Variants in GTF2I observed in about 807,000 individuals in gnomAD.
The protein encoded by GTF2I is general transcription factor IIi.
In GTF2I, 12 loss-of-function variants were observed where a neutral mutation model predicts 67.6. The ratio of observed to expected loss-of-function variants is 0.18; its 90% CI spans 0.11 to 0.29. The LOEUF (loss-of-function observed/expected upper bound fraction) is 0.29, where lower values mean the gene tolerates loss of function less well. Ranked by LOEUF, GTF2I falls within the 10% of genes least tolerant of loss-of-function variation. The pLI is 1.00. For synonymous variants in GTF2I, 149 were observed against 197.0 expected, an observed-to-expected ratio of 0.76 and a Z score of 2.04; for missense variants, 271 against 580.1, an observed-to-expected ratio of 0.47 and a Z score of 5.47.
chr7:74,727,550 C>A (rs1794008212), intron 12 of GTF2I: 3 of 152,132 alleles, frequency 2.0e-5, no homozygotes, highest in Non-Finnish European at 4.4e-5. Flanking sequence ...CAATTATACC[C>A]ATCTAAAAAG....
At chr7:74,697,946 TTTTG>T (rs1283202827) in intron 3 of GTF2I, among the ~76,000 whole-genome samples, 3 of 147,704 alleles carry the variant, frequency 2.0e-5, no homozygotes, top group Non-Finnish European at 3.1e-5. Context: ...TTTTTGTATT[TTTTG>T]TTTGTTTGTT....
At chr7:74,719,898 C>T (rs898429878) in intron 12 of GTF2I, among the ~76,000 whole-genome samples, 4 of 151,582 alleles carry the variant, frequency 2.6e-5, no homozygotes, top group African/African-American at 9.7e-5. Context: ...ACAGCCTGGG[C>T]GACAGAGTGA....
intron 28 of GTF2I, 106 bp from the exon 29 acceptor site, chr7:74,752,988 C>T (rs1795907695): frequency 1.0e-5 from 8 of 776,180 alleles, no homozygotes; most frequent in Non-Finnish European, 8.3e-6. Flanking sequence ...CGCTTGAGCC[C>T]AAGAGTTCAA....
intron 1 of GTF2I, among the ~76,000 whole-genome samples, chr7:74,660,890 T>C (rs181163997): frequency 8.1e-4 from 123 of 152,284 alleles, no homozygotes; most frequent in African/African-American, 2.7e-3. Context: ...CTCCCTCCAC[T>C]TCCCCCTCCA....
chr7:74,705,988 T>TGTGGCTCAGGCTGGAGTTCA (rs1358812479), intron 7 of GTF2I, among the ~76,000 whole-genome samples: 6 of 152,224 alleles, frequency 3.9e-5, no homozygotes, highest in African/African-American at 7.2e-5. Flanking sequence ...AGTCTCCCTC[T>TGTGGCTCAGGCTGGAGTTCA]GTGGCTCAGG....
chr7:74,747,149 TA>T (rs1795472517), intron 23 of GTF2I, among the ~76,000 whole-genome samples: 1 of 50,212 alleles, frequency 2.0e-5, no homozygotes, highest in Non-Finnish European at 4.4e-5. Context: ...CATCTCTTCA[TA>T]AATGCAGAAG....
intron 12 of GTF2I, among the ~76,000 whole-genome samples, chr7:74,722,269 C>T (rs879986631): frequency 1.3e-5 from 2 of 152,072 alleles, no homozygotes; most frequent in Admixed American, 6.6e-5. Flanking sequence ...TACTTGGAGT[C>T]GGTGGTAAAC....
intron 3 of GTF2I, among the ~76,000 whole-genome samples, chr7:74,696,419 C>T (rs1721663735): frequency 6.6e-6 from 1 of 152,044 alleles, no homozygotes; most frequent in Non-Finnish European, 1.5e-5. Flanking sequence ...TTCTGCCTCC[C>T]AGGTTCAAGC....
chr7:74,723,363 G>A (rs923207038), intron 12 of GTF2I, among the ~76,000 whole-genome samples: 12 of 144,940 alleles, frequency 8.3e-5, no homozygotes, highest in Non-Finnish European at 1.8e-4. Flanking sequence ...TCCTGACCTC[G>A]TGATCCGCCC....
At chr7:74,712,487 AGT>A (rs142200093) in intron 9 of GTF2I, among the ~76,000 whole-genome samples, 16,233 of 131,374 alleles carry the variant, frequency 0.12, 985 homozygotes, top group East Asian at 0.16. Flanking sequence ...TTCTCCCGGG[AGT>A]GTGTGTGTGT....
intron 3 of GTF2I, among the ~76,000 whole-genome samples, chr7:74,697,180 G>A (rs755125089): frequency 6.6e-4 from 100 of 151,930 alleles, no homozygotes; most frequent in Non-Finnish European, 1.3e-3. Context: ...GGCGGATCAC[G>A]AGGTCAGGAG....
chr7:74,675,769 G>T (rs935759754), intron 1 of GTF2I, among the ~76,000 whole-genome samples: 3 of 152,128 alleles, frequency 2.0e-5, no homozygotes, highest in African/African-American at 7.2e-5. Flanking sequence ...CCAGCACTTG[G>T]GAGGCCGAGG....
At chr7:74,704,130 G>A (rs1584206140) in intron 6 of GTF2I, among the ~76,000 whole-genome samples, 2 of 152,220 alleles carry the variant, frequency 1.3e-5, no homozygotes, top group South Asian at 4.1e-4. Context: ...ATATTAGTAG[G>A]AAAGCATTCT....
At chr7:74,702,472 G>A (rs1298593286) in intron 6 of GTF2I, among the ~76,000 whole-genome samples, 1 of 151,992 alleles carries the variant, frequency 6.6e-6, no homozygotes, top group Non-Finnish European at 1.5e-5. Flanking sequence ...ATGATCAAGG[G>A]AGGCCTCTCA....
Position 74,700,237 on chromosome 7 carries a change from T to A in GTF2I, c.374-10T>A, listed in dbSNP as rs374937893. 2.7e-5 allele frequency: 43 copies of A among 1,611,972 alleles called. No homozygotes were observed. The African/African-American group carries it at 5.6e-4, about 21-fold the overall frequency. ...TTGAATGATGTTCATCCGCTTTTCA[T>A]CTGCCCCAGGGAAAGCTTTAGGCAA... On this transcript the variant is annotated splice_polypyrimidine_tract_variant and intron_variant, in intron 4 of 34. Transcript: ENST00000573035.
intron 1 of GTF2I, among the ~76,000 whole-genome samples, chr7:74,688,530 C>T (rs1322698001): frequency 1.3e-5 from 2 of 152,150 alleles, no homozygotes; most frequent in Non-Finnish European, 2.9e-5. Context: ...GATCTCCGCT[C>T]ACTGCAGCCT....
chr7:74,698,654 C>CT (rs1554399010), intron 3 of GTF2I, among the ~76,000 whole-genome samples: 1 of 150,314 alleles, frequency 6.7e-6, no homozygotes, highest in Non-Finnish European at 1.5e-5. Flanking sequence ...TCAAGCAATC[C>CT]TCCTGCTTCA....
intron 8 of GTF2I, among the ~76,000 whole-genome samples, chr7:74,709,295 C>G (rs1177701714): frequency 6.6e-6 from 1 of 152,158 alleles, no homozygotes; most frequent in Non-Finnish European, 1.5e-5. Context: ...GTCGTCCAGA[C>G]TGGAGTGCAG....
chr7:74,700,674 C>T (rs1554399659), intron 6 of GTF2I, 40 bp downstream of exon 6: 11 of 1,584,804 alleles, frequency 6.9e-6, no homozygotes, highest in Non-Finnish European at 9.5e-6. Context: ...TGGCTGGCCT[C>T]CGTTTTGCTA....
Sources: gnomAD v4.1 joint callset for allele counts (sites outside exome capture counted in the v4.1 genomes callset) on GRCh38, gnomAD v4.1.1 for gene constraint, MANE v1.5 for transcripts, NCBI Gene and HGNC (gene_info 2026-07-23, HGNC 2026-07-21) for gene names.